LPCAT2: variants seen among roughly 807,000 people sequenced by gnomAD.
LPCAT2 encodes the protein lysophosphatidylcholine acyltransferase 2.
In LPCAT2, 58 loss-of-function variants were observed where a neutral mutation model predicts 64.7. The observed-to-expected ratio is 0.90, with a 90% confidence interval of 0.73 to 1.12. LPCAT2 has a LOEUF of 1.12. LPCAT2 is among the 50% of genes most tolerant of loss of function. The probability of loss-of-function intolerance (pLI) is 0.00; values close to 1 mark genes in which losing one functional copy is unlikely to be tolerated. For synonymous variants in LPCAT2, 252 were observed against 245.3 expected (o/e 1.03, Z -0.26); for missense variants, 579 against 669.8 (o/e 0.86, Z 1.50).
chr16:55,523,078 A>G (rs1273588935), intron 1 of LPCAT2, among the ~76,000 whole-genome samples: 1 of 151,840 alleles, frequency 6.6e-6, no homozygotes, highest in East Asian at 1.9e-4. Context: ...ATACATTTAT[A>G]TAAGGAACTC....
At chr16:55,532,096 A>C (rs1000367809) in intron 5 of LPCAT2, 122 bp downstream of exon 5, 33 of 663,600 alleles carry the variant, frequency 5.0e-5, no homozygotes, top group South Asian at 1.2e-4. Context: ...TTCTGATAGC[A>C]ACTTTTTAAC....
chr16:55,528,269 A>G (rs1463308479), intron 2 of LPCAT2, 108 bp from the exon 3 acceptor site: 3 of 778,274 alleles, frequency 3.9e-6, no homozygotes, highest in Admixed American at 2.7e-5. Flanking sequence ...TCATATTTTC[A>G]TATGAAATAC....
chr16:55,578,876 T>G (rs1351739095), intron 12 of LPCAT2: 1 of 393,200 alleles, frequency 2.5e-6, no homozygotes, highest in Non-Finnish European at 4.6e-6. Context: ...CCCATGGAGA[T>G]CCCCTGTCCC....
chr16:55,560,241 A>G (rs1372412297), intron 11 of LPCAT2, among the ~76,000 whole-genome samples: 1 of 152,132 alleles, frequency 6.6e-6, no homozygotes, highest in Non-Finnish European at 1.5e-5. Context: ...TGGACTCTAG[A>G]AAGGCTTTTG....
rs373174426 is a variant in LPCAT2, at chr16:55,530,286, A to G, written c.642+339A>G. Among the ~76,000 whole-genome samples, 15 of 152,254 alleles carry G rather than the reference A, an allele frequency of 9.9e-5. 1 individual carries two copies. The highest frequency in any genetic ancestry group is 5.2e-4 in the Admixed American group (8 of 15,286). On this transcript the variant is annotated intron_variant, in intron 4 of 13. Transcript: ENST00000262134. ...CTTAGTATCTATTACCATTATACTA[A>G]AGTATCTCCTATTTCATATTTTAGA... is the stretch of plus-strand genomic sequence containing the variant.
At chr16:55,518,193 C>T (rs1963040602) in intron 1 of LPCAT2, among the ~76,000 whole-genome samples, 1 of 152,204 alleles carries the variant, frequency 6.6e-6, no homozygotes, top group Admixed American at 6.5e-5. Flanking sequence ...TTTAATTTAG[C>T]ATCAAAAAGA....
chr16:55,525,305 T>G (rs775337562), intron 1 of LPCAT2, among the ~76,000 whole-genome samples: 4 of 152,136 alleles, frequency 2.6e-5, no homozygotes, highest in Non-Finnish European at 5.9e-5. Context: ...GTGTTTCTCT[T>G]GCTACACAGT....
chr16:55,549,235 T>A (rs774934285), intron 9 of LPCAT2, 42 bp from the exon 10 acceptor site: 9 of 1,475,232 alleles, frequency 6.1e-6, no homozygotes, highest in African/African-American at 5.9e-5. Flanking sequence ...TACTTTTTTT[T>A]TTAAAAAAAA....
intron 8 of LPCAT2, chr16:55,545,533 T>C: frequency 2.4e-6 from 1 of 418,504 alleles, no homozygotes. Flanking sequence ...CAAAGTTAAA[T>C]GACATACTAG....
chr16:55,546,905 T>C (rs1963460282), intron 9 of LPCAT2, among the ~76,000 whole-genome samples: 1 of 152,124 alleles, frequency 6.6e-6, no homozygotes, highest in South Asian at 2.1e-4. Flanking sequence ...TCCCAGCACT[T>C]TGGGAGGCCG....
rs568758333 is a variant in LPCAT2 at position 55,573,109 on chromosome 16, A to G, written c.1216-1522A>G. 9.2e-5 allele frequency among the ~76,000 whole-genome samples: 14 copies of G among 152,244 alleles called. No individual in the cohort carries two copies. The South Asian group carries it at 2.9e-3, about 32-fold the overall frequency. On this transcript the variant is annotated intron_variant, in intron 11 of 13. Coordinates refer to ENST00000262134, the MANE Select transcript of LPCAT2 (RefSeq NM_017839.5). The stretch of plus-strand genomic sequence containing the variant: ...GGTGAGAAAACGAGATTAAATTATT[A>G]CTCCTTTTAGTTTCCGCCCTGCAGT...
intron 12 of LPCAT2, among the ~76,000 whole-genome samples, chr16:55,577,245 T>C (rs955610088): frequency 1.3e-5 from 2 of 152,226 alleles, no homozygotes; most frequent in Non-Finnish European, 2.9e-5. Context: ...CAAATTATAC[T>C]TTTTTATCCT....
chr16:55,569,688 C>T (rs1272148391), intron 11 of LPCAT2, among the ~76,000 whole-genome samples: 3 of 152,152 alleles, frequency 2.0e-5, no homozygotes, highest in African/African-American at 7.2e-5. Flanking sequence ...CATGGAAAAA[C>T]ACCCTGAAAT....
chr16:55,528,839 CT>C (rs1417633558), intron 3 of LPCAT2, among the ~76,000 whole-genome samples: 1 of 152,018 alleles, frequency 6.6e-6, no homozygotes. Context: ...TCTTTCTGTT[CT>C]TATATATAGC....
At chr16:55,510,916 A>T (rs1012790651) in intron 1 of LPCAT2, among the ~76,000 whole-genome samples, 1 of 152,176 alleles carries the variant, frequency 6.6e-6, no homozygotes, top group Admixed American at 6.5e-5. Context: ...TTTATATTGC[A>T]CCTATAATAA....
chr16:55,567,579 T>TA, intron 11 of LPCAT2: 1 of 1,433,504 alleles, frequency 7.0e-7, no homozygotes. Context: ...CAGTTGCTGA[T>TA]ACCCTGTGCA....
chr16:55,585,892 A>C lies in LPCAT2; in HGVS notation c.*2794A>C, dbSNP rs1278050575. ...GACTATTACCGAATGCAAGGTGGTT[A>C]ATTGAAGGCCACTAATTGATGCTCA... On this transcript the variant is annotated 3_prime_UTR_variant, in exon 14 of 14. Transcript: ENST00000262134. 3 of 152,174 alleles carry C rather than the reference A, an allele frequency of 2.0e-5. No individual in the cohort carries two copies. Among genetic ancestry groups the C allele is most frequent in the Non-Finnish European group, 2.9e-5 (2 of 68,022 alleles). The allele number at this position is 152,174 out of a possible 1,614,324, so 9.4% of individuals were successfully genotyped here.
At position 55,529,881 on chromosome 16, in the gene LPCAT2, G is replaced by A. The variant is rs778163899; in HGVS notation, c.576G>A (p.Pro192=). The A allele has an allele frequency of 1.9e-5, 29 of 1,519,250 alleles. No individual in the cohort carries two copies. The highest frequency in any genetic ancestry group is 2.4e-5 in the Non-Finnish European group (27 of 1,132,682). The allele number at this position is 1,519,250 out of a possible 1,614,324, so 94.1% of individuals were successfully genotyped here. The change falls in exon 4 of 14, where the codon CCG becomes CCA. Residue 192 remains proline, a synonymous_variant. Coordinates refer to ENST00000262134, the MANE Select transcript of LPCAT2 (RefSeq NM_017839.5). ...VQPVLVSRVD[P]DSRKNTINEI... The stretch of plus-strand genomic sequence containing the variant: ...CAGTTTTGGTGTCCCGTGTAGATCC[G>A]GATTCCCGAAAAAACACAATAAATG...
In LPCAT2 at chr16:55,583,239, A is replaced by G. The variant is rs1030159387; in HGVS notation, c.*141A>G. ...ACAAAAATGATAGATTTTCTTACTA[A>G]AAATGTTTTTATTAACCTTGCTTTT... On this transcript the variant is annotated 3_prime_UTR_variant, in exon 14 of 14. Transcript: ENST00000262134. 1.4e-5 allele frequency: 10 copies of G among 716,828 alleles called. No individual in the cohort carries two copies. In the African/African-American group the frequency reaches 1.4e-4, roughly 10 times the overall value. 44.4% of individuals were successfully genotyped at this position (716,828 alleles called of 1,614,324 possible). A position where few individuals can be genotyped will look rare whatever the true frequency, so the allele number is the denominator to read the frequency against.
Sources: gnomAD v4.1 joint callset for allele counts (sites outside exome capture counted in the v4.1 genomes callset) on GRCh38, gnomAD v4.1.1 for gene constraint, MANE v1.5 for transcripts, NCBI Gene and HGNC (gene_info 2026-07-23, HGNC 2026-07-21) for gene names.